TMEM51: variants seen among roughly 807,000 people sequenced by gnomAD.
TMEM51 encodes transmembrane protein 51, also known as chromosome 1 open reading frame 72.
In TMEM51, 8 loss-of-function variants were observed where a neutral mutation model predicts 13.6. That is an observed-to-expected ratio of 0.59 (90% CI 0.35 to 1.07). TMEM51 has a LOEUF of 1.07. Ranked by LOEUF, TMEM51 falls within the 50% of genes least tolerant of loss-of-function variation. TMEM51 has a pLI of 0.02. For synonymous variants in TMEM51, 147 were observed against 144.4 expected (o/e 1.02, Z -0.13); for missense variants, 279 against 330.7 (o/e 0.84, Z 1.21).
At chr1:15,178,602 C>G (rs971579198) in intron 1 of TMEM51, among the ~76,000 whole-genome samples, 1 of 152,192 alleles carries the variant, frequency 6.6e-6, no homozygotes. Flanking sequence ...CCTACCATCT[C>G]CTTTTATATA....
chr1:15,187,832 A>T (rs1316468680), intron 1 of TMEM51, among the ~76,000 whole-genome samples: 1 of 151,816 alleles, frequency 6.6e-6, no homozygotes, highest in Non-Finnish European at 1.5e-5. Context: ...CATCCTCAAA[A>T]CACCCCGGCC....
intron 1 of TMEM51, chr1:15,171,102 T>TC: frequency 1.4e-5 from 10 of 692,844 alleles, no homozygotes; most frequent in Non-Finnish European, 2.0e-5. Flanking sequence ...TCCCTCCTCC[T>TC]CCACCCCCCG....
intron 1 of TMEM51, among the ~76,000 whole-genome samples, chr1:15,190,437 A>G (rs1285858724): frequency 6.6e-6 from 1 of 152,174 alleles, no homozygotes; most frequent in East Asian, 1.9e-4. Flanking sequence ...CCTGACACAC[A>G]TTGTCTAGAT....
At chr1:15,168,601 A>C in intron 1 of TMEM51, 1 of 1,304,560 alleles carries the variant, frequency 7.7e-7, no homozygotes, top group Non-Finnish European at 1.0e-6. Context: ...GAGCCAAGAG[A>C]GACGAAGGCC....
At position 15,220,076 on chromosome 1, in the gene TMEM51, C is replaced by T. The variant is rs549118611; in HGVS notation, c.*333C>T. 25 of 302,740 alleles carry T rather than the reference C, an allele frequency of 8.3e-5. No individual in the cohort carries two copies. Among genetic ancestry groups the T allele is most frequent in the African/African-American group, 4.0e-4 (19 of 47,524 alleles). 18.8% of individuals were successfully genotyped at this position (302,740 alleles called of 1,614,324 possible). On this transcript the variant is annotated 3_prime_UTR_variant, in exon 4 of 4. Transcript: ENST00000376008. Reference sequence around the variant, plus strand: ...TTTCCAGCTAGGAAAGGGTTCCTCGCGGCTGGTTTAGATTGTGGTTGTTTG... The same window carrying T: ...TTTCCAGCTAGGAAAGGGTTCCTCGTGGCTGGTTTAGATTGTGGTTGTTTG...
chr1:15,162,229 C>T (rs536287489), intron 1 of TMEM51, among the ~76,000 whole-genome samples: 1 of 152,206 alleles, frequency 6.6e-6, no homozygotes, highest in African/African-American at 2.4e-5. Context: ...GTGGCACAAT[C>T]TTGGCTCACT....
At chr1:15,200,044 C>T (rs929087301) in intron 1 of TMEM51, among the ~76,000 whole-genome samples, 6 of 152,156 alleles carry the variant, frequency 3.9e-5, no homozygotes, top group Non-Finnish European at 2.9e-5. Context: ...TTGCGTCCCC[C>T]GCCAAATTCC....
intron 1 of TMEM51, among the ~76,000 whole-genome samples, chr1:15,209,852 G>GA (rs1231228403): frequency 6.6e-6 from 1 of 152,178 alleles, no homozygotes; most frequent in Non-Finnish European, 1.5e-5. Context: ...CCAACATGGT[G>GA]AAACCCCGTC....
chr1:15,184,256 A>G (rs1179492570), intron 1 of TMEM51, among the ~76,000 whole-genome samples: 1 of 152,134 alleles, frequency 6.6e-6, no homozygotes. Flanking sequence ...TGATCTCTTG[A>G]CCTCGTGATC....
chr1:15,159,772 G>A (rs1478350661), intron 1 of TMEM51, among the ~76,000 whole-genome samples: 4 of 152,172 alleles, frequency 2.6e-5, no homozygotes, highest in Non-Finnish European at 5.9e-5. Context: ...GGCCAGGATG[G>A]TCTCGATCTC....
At chr1:15,198,257 T>C (rs1644089531) in intron 1 of TMEM51, among the ~76,000 whole-genome samples, 1 of 152,136 alleles carries the variant, frequency 6.6e-6, no homozygotes, top group Non-Finnish European at 1.5e-5. Context: ...ACCCTGCTTA[T>C]ATCCCATTGG....
intron 1 of TMEM51, among the ~76,000 whole-genome samples, chr1:15,166,799 G>A (rs144701180): frequency 0.015 from 2,354 of 152,180 alleles, 26 homozygotes; most frequent in Non-Finnish European, 0.026. Context: ...AACACAGTTC[G>A]ATGAGTTTTG....
At chr1:15,218,464 A>G (rs1323201256) in intron 3 of TMEM51, among the ~76,000 whole-genome samples, 1 of 152,172 alleles carries the variant, frequency 6.6e-6, no homozygotes, top group Non-Finnish European at 1.5e-5. Context: ...TACAGTGTTC[A>G]CTTCCTGCCC....
chr1:15,199,593 G>C (rs1644115921), intron 1 of TMEM51, among the ~76,000 whole-genome samples: 1 of 152,198 alleles, frequency 6.6e-6, no homozygotes, highest in Non-Finnish European at 1.5e-5. Flanking sequence ...GTAAGGAGCA[G>C]CTACTGAAGC....
chr1:15,208,402 C>T (rs1024978955), intron 1 of TMEM51, among the ~76,000 whole-genome samples: 10 of 152,154 alleles, frequency 6.6e-5, no homozygotes, highest in South Asian at 2.1e-4. Context: ...GCAGGAGGAT[C>T]GCTTGAGGCC....
At chr1:15,176,152 C>G (rs904846829) in intron 1 of TMEM51, among the ~76,000 whole-genome samples, 1 of 152,186 alleles carries the variant, frequency 6.6e-6, no homozygotes, top group Non-Finnish European at 1.5e-5. Flanking sequence ...TAGTGCCCAA[C>G]AACCCAGTGG....
At chr1:15,218,137 G>T (rs1281071450) in intron 3 of TMEM51, among the ~76,000 whole-genome samples, 1 of 152,228 alleles carries the variant, frequency 6.6e-6, no homozygotes, top group Non-Finnish European at 1.5e-5. Context: ...TGACAAATGT[G>T]TAGAAAATAT....
chr1:15,177,050 T>A (rs1643475783), intron 1 of TMEM51, among the ~76,000 whole-genome samples: 1 of 151,938 alleles, frequency 6.6e-6, no homozygotes, highest in Admixed American at 6.6e-5. Flanking sequence ...TCTGGCCAGA[T>A]GGGAGGCAGC....
At chr1:15,186,108 G>A (rs866471190) in intron 1 of TMEM51, among the ~76,000 whole-genome samples, 19 of 152,318 alleles carry the variant, frequency 1.2e-4, no homozygotes, top group South Asian at 1.2e-3. Flanking sequence ...AGAGAGAGGC[G>A]GGAGCCTCTT....
Sources: gnomAD v4.1 joint callset for allele counts (sites outside exome capture counted in the v4.1 genomes callset) on GRCh38, gnomAD v4.1.1 for gene constraint, MANE v1.5 for transcripts, NCBI Gene and HGNC (gene_info 2026-07-23, HGNC 2026-07-21) for gene names.